The following NPY1R variants were observed in gnomAD, a reference collection of about 807,000 sequenced individuals.
The protein encoded by NPY1R is neuropeptide Y receptor Y1.
In NPY1R, 10 loss-of-function variants were observed where a neutral mutation model predicts 24.1. The ratio of observed to expected loss-of-function variants is 0.42; its 90% CI spans 0.26 to 0.71. NPY1R has a LOEUF of 0.71. NPY1R is among the 30% of genes least tolerant of loss of function. NPY1R has a pLI of 0.28. For missense variants in NPY1R, 350 were observed against 458.0 expected, an observed-to-expected ratio of 0.76 and a Z score of 2.15; for synonymous variants, 168 against 165.9, an observed-to-expected ratio of 1.01 and a Z score of -0.10.
chr4:163,336,994 T>G (rs1010013198), upstream of NPY1R, among the ~76,000 whole-genome samples: 14 of 30,164 alleles, frequency 4.6e-4, no homozygotes, highest in East Asian at 2.9e-3. Context: ...GAGAAAGTGT[T>G]TTTTTTTTGT....
In NPY1R at chr4:163,326,335, C is replaced by T. The variant is rs1361465566; in HGVS notation, c.220G>A (p.Val74Ile). 1.2e-6 allele frequency: 2 copies of T among 1,613,926 alleles called. No individual in the cohort carries two copies. Among genetic ancestry groups the T allele is most frequent in the Non-Finnish European group, 1.7e-6 (2 of 1,179,924 alleles). ...AGGTTCACAATCAGGATGTTGGTAA[C>T]ATTTCTCATCTCCTTTTGTTTCAAG... is the stretch of plus-strand genomic sequence containing the variant. Reference protein sequence around the residue: ...IILKQKEMRNVTNILIVNLSF... With the variant: ...IILKQKEMRNITNILIVNLSF... Residue 74 changes from valine (V) to isoleucine (I), a missense_variant, in exon 2 of 3, where the codon GTT (valine) becomes ATT (isoleucine). Physicochemically the swap from Val to Ile is conservative, Grantham distance 29 (BLOSUM62 3). Coordinates refer to ENST00000296533, the MANE Select transcript of NPY1R (RefSeq NM_000909.6).
At chr4:163,335,318 A>G (rs781374400), upstream of NPY1R, among the ~76,000 whole-genome samples, 1 of 152,220 alleles carries the variant, frequency 6.6e-6, no homozygotes, top group Non-Finnish European at 1.5e-5. Context: ...TGTGATATAA[A>G]CTGAGGGATA....
rs1167293943 is a variant in NPY1R at position 163,325,230 on chromosome 4, G to A, written c.*73C>T. On this transcript the variant is annotated 3_prime_UTR_variant, in exon 3 of 3. Transcript: ENST00000296533. ...TCAACCCCATTCCTTGGGAGAACAG[G>A]TAATCAAAGTATGTTGCAGGTTGTG... 9.7e-6 allele frequency: 10 copies of A among 1,027,898 alleles called. No individual in the cohort carries two copies. The highest frequency in any genetic ancestry group is 2.3e-5 in the Admixed American group (1 of 43,998). The allele number at this position is 1,027,898 out of a possible 1,614,324, so 63.7% of individuals were successfully genotyped here. A position where few individuals can be genotyped will look rare whatever the true frequency, so the allele number is the denominator to read the frequency against.
chr4:163,340,205 T>C (rs1326919350), intron 1 of NPY1R, among the ~76,000 whole-genome samples: 1 of 152,004 alleles, frequency 6.6e-6, no homozygotes, highest in Non-Finnish European at 1.5e-5. Flanking sequence ...TTATCTTTTC[T>C]CAGAGGAGTT....
chr4:163,325,715 A>G lies in NPY1R; in HGVS notation c.743T>C (p.Met248Thr). ...LKRRNNMMDK[M>T]RDNKYRSSET... ...ACTGGACCTGTACTTATTGTCTCTC[A>G]TCTTGTCCATCATGTTGTTTCTCCT... The change falls in exon 3 of 3, where the codon ATG becomes ACG. Residue 248 changes from methionine (M) to threonine (T), a missense_variant. Transcript: ENST00000296533. 6.2e-7 allele frequency: 1 copy of G among 1,601,546 alleles called. No individual in the cohort carries two copies. Among genetic ancestry groups the G allele is most frequent in the Non-Finnish European group, 8.5e-7 (1 of 1,177,724 alleles).
Position 163,325,276 on chromosome 4 carries a change from A to G in NPY1R, c.*27T>C. 1 of 1,516,372 alleles carries G rather than the reference A, an allele frequency of 6.6e-7. No individual in the cohort carries two copies. Among genetic ancestry groups the G allele is most frequent in the Non-Finnish European group, 9.0e-7 (1 of 1,107,760 alleles). 93.9% of individuals were successfully genotyped at this position (1,516,372 alleles called of 1,614,324 possible). On this transcript the variant is annotated 3_prime_UTR_variant, in exon 3 of 3. Coordinates refer to ENST00000296533, the MANE Select transcript of NPY1R (RefSeq NM_000909.6). ...TTGTGCTTGTTTTTAAACAGATGTCATCCGGGACCATAGGCTATAAGTAGT... is the reference window on the plus strand; with the variant it reads ...TTGTGCTTGTTTTTAAACAGATGTCGTCCGGGACCATAGGCTATAAGTAGT...
chr4:163,340,176 T>A (rs1734944345), intron 1 of NPY1R, among the ~76,000 whole-genome samples: 1 of 152,030 alleles, frequency 6.6e-6, no homozygotes, highest in African/African-American at 2.4e-5. Context: ...GAAACATTTT[T>A]AAAAATATTA....
upstream of NPY1R, among the ~76,000 whole-genome samples, chr4:163,336,280 T>C (rs1460598031): frequency 6.6e-6 from 1 of 152,196 alleles, no homozygotes; most frequent in East Asian, 1.9e-4. Flanking sequence ...CCTTATACTT[T>C]CAGATACCCT....
chr4:163,338,932 G>A (rs1260818651), intron 1 of NPY1R, among the ~76,000 whole-genome samples: 1 of 152,052 alleles, frequency 6.6e-6, no homozygotes, highest in East Asian at 1.9e-4. Context: ...AATCCAACTG[G>A]TCTCAGATTG....
upstream of NPY1R, among the ~76,000 whole-genome samples, chr4:163,336,022 A>T (rs922969396): frequency 2.6e-5 from 4 of 152,232 alleles, no homozygotes; most frequent in Admixed American, 2.6e-4. Context: ...AGTGATGATT[A>T]ATTTAGTTAA....
At chr4:163,340,533 T>C (rs1284050490) in intron 1 of NPY1R, among the ~76,000 whole-genome samples, 1 of 152,132 alleles carries the variant, frequency 6.6e-6, no homozygotes, top group African/African-American at 2.4e-5. Flanking sequence ...CCTATGGCTA[T>C]CAAATTTTTC....
chr4:163,333,458 A>C (rs967494153), upstream of NPY1R, among the ~76,000 whole-genome samples: 2 of 152,186 alleles, frequency 1.3e-5, no homozygotes, highest in African/African-American at 4.8e-5. Flanking sequence ...TCAAAGTTGT[A>C]AACACACACA....
rs375717997 is a variant in NPY1R at position 163,325,748 on chromosome 4, C to A, written c.710G>T (p.Arg237Leu). The A allele has an allele frequency of 6.3e-7, 1 of 1,588,678 alleles. No individual in the cohort carries two copies. ...IFICYFKIYIRLKRRNNMMDK... is the reference protein window; with the variant it reads ...IFICYFKIYILLKRRNNMMDK... ...CATCATGTTGTTTCTCCTTTTTAGG[C>A]GTATATATATCTATGGAAGAAAAAA... is the stretch of plus-strand genomic sequence containing the variant. The change falls in exon 3 of 3, where the codon CGC (arginine) becomes CTC (leucine). Residue 237 changes from arginine to leucine, a missense_variant. Physicochemically the swap from Arg to Leu is moderately radical, Grantham distance 102 (BLOSUM62 -2). Transcript: ENST00000296533.
chr4:163,324,253 T>C lies in NPY1R; in HGVS notation c.*1050A>G, dbSNP rs9764. ...ATGAAGTATCTGCAGTTTTTGTGTATTTTTCCCTGCTAGGTAAAGTGAATA... is the reference window on the plus strand; with the variant it reads ...ATGAAGTATCTGCAGTTTTTGTGTACTTTTCCCTGCTAGGTAAAGTGAATA... On this transcript the variant is annotated 3_prime_UTR_variant, in exon 3 of 3. Coordinates refer to ENST00000296533, the MANE Select transcript of NPY1R (RefSeq NM_000909.6). 0.3 allele frequency: 46,417 copies of C among 152,466 alleles called. 7,509 individuals carry two copies. Among genetic ancestry groups the C allele is most frequent in the East Asian group, 0.56 (2,903 of 5,172 alleles). The allele number at this position is 152,466 out of a possible 1,614,324, so 9.4% of individuals were successfully genotyped here. A position where few individuals can be genotyped will look rare whatever the true frequency, so the allele number is the denominator to read the frequency against.
intron 1 of NPY1R, among the ~76,000 whole-genome samples, chr4:163,340,611 C>T (rs1015201517): frequency 4.8e-4 from 73 of 151,930 alleles, no homozygotes; most frequent in African/African-American, 1.6e-3. Context: ...GGCATAAAGT[C>T]ATAAGTAGTC....
At chr4:163,331,841 G>A (rs908741590) in intron 1 of NPY1R, among the ~76,000 whole-genome samples, 5 of 152,234 alleles carry the variant, frequency 3.3e-5, no homozygotes, top group Non-Finnish European at 7.3e-5. Context: ...GGGGCGCAGC[G>A]CCACACTCGA....
Position 163,326,596 on chromosome 4 carries a change from A to G in NPY1R, c.-42T>C. ...GTTATAGATTATTTTAGACAAATGG[A>G]CAGTATGTTTCTTCAAAGCAGGTCA... On this transcript the variant is annotated 5_prime_UTR_variant, in exon 2 of 3. Coordinates refer to ENST00000296533, the MANE Select transcript of NPY1R (RefSeq NM_000909.6). 7.2e-6 allele frequency: 9 copies of G among 1,257,206 alleles called. No homozygotes were observed. Among genetic ancestry groups the G allele is most frequent in the Non-Finnish European group, 9.0e-6 (8 of 887,484 alleles). 77.9% of individuals were successfully genotyped at this position (1,257,206 alleles called of 1,614,324 possible).
At chr4:163,333,746 G>T (rs1012025544), upstream of NPY1R, among the ~76,000 whole-genome samples, 1 of 152,054 alleles carries the variant, frequency 6.6e-6, no homozygotes, top group African/African-American at 2.4e-5. Context: ...ACATATTTAA[G>T]GTTCAGTATA....
intron 1 of NPY1R, among the ~76,000 whole-genome samples, chr4:163,343,264 T>C (rs1735054218): frequency 6.6e-6 from 1 of 151,550 alleles, no homozygotes; most frequent in Admixed American, 6.6e-5. Flanking sequence ...GTTGATTTCA[T>C]TTCAGCTTCA....
Sources: allele counts gnomAD v4.1 joint callset (sites outside exome capture counted in the v4.1 genomes callset), GRCh38; gene constraint gnomAD v4.1.1; transcripts MANE v1.5; gene names NCBI Gene and HGNC (gene_info 2026-07-23, HGNC 2026-07-21).